Variants in APPBP2 observed in about 807,000 individuals in gnomAD.
APPBP2 encodes amyloid protein-binding protein 2.
In APPBP2, 15 loss-of-function variants were observed where a neutral mutation model predicts 76.0. That is an observed-to-expected ratio of 0.20 (90% confidence interval 0.13 to 0.30). APPBP2 has a LOEUF of 0.30. APPBP2 is among the 10% of genes least tolerant of loss of function. The pLI, the probability that APPBP2 is intolerant of heterozygous loss-of-function variation, is 1.00. For missense variants in APPBP2, 401 were observed against 687.2 expected (o/e 0.58, Z 4.66); for synonymous variants, 222 against 242.2 (o/e 0.92, Z 0.77).
At chr17:60,480,818 C>T (rs1321313195) in intron 3 of APPBP2, among the ~76,000 whole-genome samples, 2 of 152,080 alleles carry the variant, frequency 1.3e-5, no homozygotes, top group East Asian at 1.9e-4. Flanking sequence ...TTTGGCTCAG[C>T]GAATAGGAGG....
rs9893667 is a variant in APPBP2 at position 60,444,192 on chromosome 17, T to C, written c.*3389A>G. The C allele has an allele frequency of 0.19, 29,082 of 151,646 alleles. 9,368 individuals carry two copies. Among genetic ancestry groups the C allele is most frequent in the African/African-American group, 0.67 (27,381 of 41,068 alleles). 9.4% of individuals were successfully genotyped at this position (151,646 alleles called of 1,614,324 possible). On this transcript the variant is annotated 3_prime_UTR_variant, in exon 13 of 13. Coordinates refer to ENST00000083182, the MANE Select transcript of APPBP2 (RefSeq NM_006380.5). ...CCACAGCCAAGAGGTGAAGTACACA[T>C]CCACTTCTAAAGCAAAGATAAAACC...
At chr17:60,472,645 A>ACACCT (rs2090562175) in intron 4 of APPBP2, among the ~76,000 whole-genome samples, 1 of 152,198 alleles carries the variant, frequency 6.6e-6, no homozygotes, top group South Asian at 2.1e-4. Flanking sequence ...TCTGCACCTG[A>ACACCT]CACCTCAAAC....
At chr17:60,496,019 T>C (rs1444807715) in intron 2 of APPBP2, among the ~76,000 whole-genome samples, 1 of 152,210 alleles carries the variant, frequency 6.6e-6, no homozygotes, top group East Asian at 1.9e-4. Flanking sequence ...TTATGCTAAG[T>C]GTCAGTCACA....
intron 2 of APPBP2, among the ~76,000 whole-genome samples, chr17:60,495,488 T>G (rs1012640890): frequency 1.3e-5 from 2 of 150,144 alleles, no homozygotes; most frequent in African/African-American, 4.9e-5. Context: ...ATTTATGTTT[T>G]AGAGACAAGG....
intron 11 of APPBP2, among the ~76,000 whole-genome samples, chr17:60,452,276 A>T (rs188883909): frequency 6.6e-6 from 1 of 152,370 alleles, no homozygotes; most frequent in East Asian, 1.9e-4. Context: ...AAAAGTAACA[A>T]GTGAAAACTT....
intron 1 of APPBP2, among the ~76,000 whole-genome samples, chr17:60,505,219 C>A (rs2090856776): frequency 6.6e-6 from 1 of 152,358 alleles, no homozygotes; most frequent in South Asian, 2.1e-4. Context: ...ACGGTCCACA[C>A]AGTAACCAGA....
Position 60,444,036 on chromosome 17 carries a change from G to A in APPBP2, c.*3545C>T, listed in dbSNP as rs1170550453. 6.6e-6 allele frequency: 1 copy of A among 152,040 alleles called. No homozygotes were observed. Among genetic ancestry groups the A allele is most frequent in the Admixed American group, 6.6e-5 (1 of 15,250 alleles). 9.4% of individuals were successfully genotyped at this position (152,040 alleles called of 1,614,324 possible). ...CCAGCTACTCGGAAGGCTGAGGCAG[G>A]AGAATCGCTGGAACCCGGGAGGCGG... On this transcript the variant is annotated 3_prime_UTR_variant, in exon 13 of 13. Coordinates refer to ENST00000083182, the MANE Select transcript of APPBP2 (RefSeq NM_006380.5).
At chr17:60,468,206 T>C (rs1031033356) in intron 4 of APPBP2, among the ~76,000 whole-genome samples, 2 of 152,170 alleles carry the variant, frequency 1.3e-5, no homozygotes, top group African/African-American at 4.8e-5. Flanking sequence ...GGCTACCATA[T>C]GGGACAATGC....
chr17:60,476,941 C>A (rs1303817343), intron 4 of APPBP2, among the ~76,000 whole-genome samples: 1 of 152,132 alleles, frequency 6.6e-6, no homozygotes, highest in Non-Finnish European at 1.5e-5. Flanking sequence ...TTCATTCATG[C>A]ACAATTAAAA....
Position 60,500,458 on chromosome 17 carries a change from C to T in APPBP2, c.168G>A (p.Leu56=). The T allele has an allele frequency of 1.2e-6, 2 of 1,609,730 alleles. No homozygotes were observed. The highest frequency in any genetic ancestry group is 1.7e-6 in the Non-Finnish European group (2 of 1,178,310). ...KLYQQGRLCQ[L]GSEFCELEVF... ...CTTCCAATTCACAAAATTCACTGCC[C>T]AGTTGACATAAGCGTCCCTGTTGGT... Residue 56 remains leucine, a synonymous_variant, in exon 2 of 13, where the codon CTG becomes CTA. Transcript: ENST00000083182.
At chr17:60,469,077 C>T (rs2090531953) in intron 4 of APPBP2, among the ~76,000 whole-genome samples, 5 of 151,936 alleles carry the variant, frequency 3.3e-5, no homozygotes, top group Admixed American at 3.3e-4. Flanking sequence ...TAGTTTATCC[C>T]AGCACTTTGG....
rs1194023095 is a variant in APPBP2, at chr17:60,525,916, G to A, written c.16C>T (p.Leu6=). The A allele has an allele frequency of 1.2e-6, 2 of 1,613,186 alleles. No individual in the cohort carries two copies. The highest frequency in any genetic ancestry group is 1.3e-5 in the African/African-American group (1 of 74,898). MAAVE[L]EWIPETLYNT... ...TAGAGAGTCTCTGGGATCCACTCTA[G>A]TTCCACGGCCGCCATCTTCCTTCCC... Residue 6 remains leucine, a synonymous_variant, in exon 1 of 13, where the codon CTA becomes TTA. Transcript: ENST00000083182.
At chr17:60,471,561 G>A (rs2090552744) in intron 4 of APPBP2, among the ~76,000 whole-genome samples, 1 of 148,630 alleles carries the variant, frequency 6.7e-6, no homozygotes, top group African/African-American at 2.5e-5. Flanking sequence ...TCTTTTCTGT[G>A]TCAACTGAGA....
chr17:60,470,573 T>A (rs933360168), intron 4 of APPBP2, among the ~76,000 whole-genome samples: 2 of 151,794 alleles, frequency 1.3e-5, no homozygotes, highest in Non-Finnish European at 2.9e-5. Flanking sequence ...GCCTGCTCTT[T>A]ATTAATTAAT....
chr17:60,478,900 A>T (rs563846052), intron 4 of APPBP2, among the ~76,000 whole-genome samples: 1 of 151,198 alleles, frequency 6.6e-6, no homozygotes, highest in Non-Finnish European at 1.5e-5. Context: ...AAAGAGCGAG[A>T]CTCTGTTTCA....
chr17:60,462,225 A>T (rs1336061030), intron 6 of APPBP2, 164 bp from the exon 7 acceptor site: 4 of 625,144 alleles, frequency 6.4e-6, no homozygotes, highest in Admixed American at 3.0e-5. Flanking sequence ...GTACTTAAAA[A>T]TTCTATTATA....
intron 12 of APPBP2, among the ~76,000 whole-genome samples, chr17:60,449,473 G>A (rs578053912): frequency 1.4e-4 from 21 of 152,264 alleles, no homozygotes; most frequent in Middle Eastern, 3.4e-3. Context: ...GTGTGCATCT[G>A]TAGTCCCAGC....
At chr17:60,484,083 G>T (rs1233829664) in intron 3 of APPBP2, among the ~76,000 whole-genome samples, 3 of 152,056 alleles carry the variant, frequency 2.0e-5, no homozygotes, top group Non-Finnish European at 4.4e-5. Flanking sequence ...TGTTCCACTG[G>T]TCTATATCTG....
chr17:60,465,461 G>C (rs1349774371), intron 5 of APPBP2, among the ~76,000 whole-genome samples: 2 of 152,180 alleles, frequency 1.3e-5, no homozygotes, highest in Non-Finnish European at 2.9e-5. Flanking sequence ...TTTATCACTA[G>C]AAGATTGAAC....
Sources: gnomAD v4.1 joint callset for allele counts (sites outside exome capture counted in the v4.1 genomes callset) on GRCh38, gnomAD v4.1.1 for gene constraint, MANE v1.5 for transcripts, NCBI Gene and HGNC (gene_info 2026-07-23, HGNC 2026-07-21) for gene names.